Variants in ALKBH3 observed in about 807,000 individuals in gnomAD.
ALKBH3 encodes the protein alkB homolog 3, alpha-ketoglutarate dependent dioxygenase.
ALKBH3 carries 51 observed loss-of-function variants against 43.9 expected under a neutral mutation model. The ratio of observed to expected loss-of-function variants is 1.16; its 90% CI spans 0.93 to 1.47. ALKBH3 has a LOEUF of 1.47. Ranked by LOEUF, ALKBH3 falls within the 40% of genes most tolerant of loss-of-function variation. The probability of loss-of-function intolerance (pLI) is 0.00; values close to 1 mark genes in which losing one functional copy is unlikely to be tolerated. For synonymous variants in ALKBH3, 102 were observed against 115.2 expected (o/e 0.89, Z 0.73); for missense variants, 361 against 351.9 (o/e 1.03, Z -0.21).
chr11:43,889,962 A>G, intron 6 of ALKBH3, 134 bp downstream of exon 6: 5 of 736,768 alleles, frequency 6.8e-6, no homozygotes, highest in Non-Finnish European at 8.8e-6. Context: ...AGAAAGTAGA[A>G]TTAGCCAAAA....
chr11:43,889,384 G>C (rs1951767959), intron 5 of ALKBH3, among the ~76,000 whole-genome samples: 1 of 152,222 alleles, frequency 6.6e-6, no homozygotes, highest in African/African-American at 2.4e-5. Flanking sequence ...TCAGGTTACA[G>C]ATGAGAAAAC....
At chr11:43,882,947 A>G (rs1951721872) in intron 2 of ALKBH3, 138 bp from the exon 3 acceptor site, 1 of 827,342 alleles carries the variant, frequency 1.2e-6, no homozygotes, top group Non-Finnish European at 1.9e-6. Flanking sequence ...ACCTTTCAGT[A>G]TCTTCTGTTG....
intron 7 of ALKBH3, among the ~76,000 whole-genome samples, chr11:43,892,406 G>T (rs16937695): frequency 0.024 from 3,672 of 152,256 alleles, 76 homozygotes; most frequent in African/African-American, 0.058. Context: ...TTTTCTAGCT[G>T]TATTCCTTCT....
chr11:43,907,698 G>C, intron 8 of ALKBH3, among the ~76,000 whole-genome samples: 1 of 152,140 alleles, frequency 6.6e-6, no homozygotes, highest in East Asian at 1.9e-4. Context: ...TTCAGGAAGG[G>C]AAAGGAGGCC....
At chr11:43,900,441 C>T (rs961694955) in intron 7 of ALKBH3, among the ~76,000 whole-genome samples, 2 of 151,860 alleles carry the variant, frequency 1.3e-5, no homozygotes, top group African/African-American at 2.4e-5. Flanking sequence ...CCAGGCTGGT[C>T]TTGAACTCCC....
chr11:43,917,119 A>G lies in ALKBH3; in HGVS notation c.670-1919A>G, dbSNP rs767458719. On this transcript the variant is annotated intron_variant, in intron 8 of 9. Coordinates refer to ENST00000302708, the MANE Select transcript of ALKBH3 (RefSeq NM_139178.4). Reference sequence around the variant, plus strand: ...TATGGCTAATGGTTATGTTGAATGTAATGTGTTCAAAACCAACCTGAGACT... The same window carrying G: ...TATGGCTAATGGTTATGTTGAATGTGATGTGTTCAAAACCAACCTGAGACT... Among the ~76,000 whole-genome samples, 76 of 152,314 alleles carry G rather than the reference A, an allele frequency of 5.0e-4. 1 individual carries two copies. Among genetic ancestry groups the G allele is most frequent in the Non-Finnish European group, 8.7e-4 (59 of 68,024 alleles).
intron 8 of ALKBH3, chr11:43,918,725 A>T: frequency 4.5e-6 from 1 of 223,040 alleles, no homozygotes; most frequent in Admixed American, 5.6e-5. Flanking sequence ...TTGGATTATG[A>T]TGATGACACT....
chr11:43,882,540 A>G, intron 1 of ALKBH3, 43 bp from the exon 2 acceptor site: 1 of 922,734 alleles, frequency 1.1e-6, no homozygotes, highest in South Asian at 1.9e-5. Context: ...AATTGTTCAC[A>G]ATCCTAACTA....
At position 43,897,484 on chromosome 11, in the gene ALKBH3, G is replaced by A. The variant is rs1022746574; in HGVS notation, c.460-4032G>A. 27 of 750,672 alleles carry A rather than the reference G, an allele frequency of 3.6e-5. No homozygotes were observed. In the Admixed American group the frequency reaches 4.3e-4, roughly 12 times the overall value. The allele number at this position is 750,672 out of a possible 1,614,324, so 46.5% of individuals were successfully genotyped here. A position where few individuals can be genotyped will look rare whatever the true frequency, so the allele number is the denominator to read the frequency against. The stretch of plus-strand genomic sequence containing the variant: ...GTGCAAAAATACCAGTCACCAGTGA[G>A]GGTATACAAATACCCCTTCAAATTA... On this transcript the variant is annotated intron_variant, in intron 7 of 9. Transcript: ENST00000302708.
chr11:43,903,577 C>T (rs1298697824), intron 8 of ALKBH3, among the ~76,000 whole-genome samples: 2 of 152,172 alleles, frequency 1.3e-5, no homozygotes, highest in African/African-American at 4.8e-5. Context: ...ACTGCGCCTT[C>T]CTCCTAGAGT....
chr11:43,898,025 A>G, intron 7 of ALKBH3: 1 of 900,938 alleles, frequency 1.1e-6, no homozygotes, highest in East Asian at 2.4e-5. Flanking sequence ...TCCTGCAAGA[A>G]ACAAGCAGCG....
At chr11:43,897,826 T>C (rs1319903232) in intron 7 of ALKBH3, 2 of 825,126 alleles carry the variant, frequency 2.4e-6, no homozygotes, top group African/African-American at 3.3e-5. Flanking sequence ...TCTGCAAGTT[T>C]AGATATTAAA....
chr11:43,918,978 G>A lies in ALKBH3; in HGVS notation c.670-60G>A, dbSNP rs184435995. On this transcript the variant is annotated intron_variant, in intron 8 of 9. Coordinates refer to ENST00000302708, the MANE Select transcript of ALKBH3 (RefSeq NM_139178.4). ...TCCATTTTTTTTTGACCTCTGTCAG[G>A]TTCTGTTGCATCTTGATTACACAGG... is the stretch of plus-strand genomic sequence containing the variant. 6.9e-5 allele frequency: 94 copies of A among 1,368,470 alleles called. No individual in the cohort carries two copies. In the Admixed American group the frequency reaches 1.6e-3, roughly 23 times the overall value. The allele number at this position is 1,368,470 out of a possible 1,614,324, so 84.8% of individuals were successfully genotyped here.
intron 8 of ALKBH3, among the ~76,000 whole-genome samples, chr11:43,910,786 CT>C (rs34714473): frequency 4.6e-5 from 7 of 151,538 alleles, no homozygotes; most frequent in African/African-American, 1.7e-4. Flanking sequence ...ACTAAAATGA[CT>C]TTTTTTTTCA....
rs749403213 is a variant in ALKBH3, at chr11:43,898,117, C to T, written c.460-3399C>T. 34 of 1,123,498 alleles carry T rather than the reference C, an allele frequency of 3.0e-5. No homozygotes were observed. In the East Asian group the frequency reaches 6.1e-4, roughly 20 times the overall value. The allele number at this position is 1,123,498 out of a possible 1,614,324, so 69.6% of individuals were successfully genotyped here. On this transcript the variant is annotated intron_variant, in intron 7 of 9. Transcript: ENST00000302708. ...CCTCAGCAGCCCCAGTGCACCTGAG[C>T]CCGTGGTGGGCATCCCTGATAACAA... is the stretch of plus-strand genomic sequence containing the variant.
chr11:43,911,513 C>A (rs1480286201), intron 8 of ALKBH3, among the ~76,000 whole-genome samples: 3 of 152,216 alleles, frequency 2.0e-5, no homozygotes, highest in African/African-American at 7.2e-5. Flanking sequence ...GTTCAGACAA[C>A]AGGCCTGGCT....
At chr11:43,887,197 G>C (rs1473455224) in intron 5 of ALKBH3, among the ~76,000 whole-genome samples, 1 of 152,104 alleles carries the variant, frequency 6.6e-6, no homozygotes, top group African/African-American at 2.4e-5. Flanking sequence ...CTTTTTATTA[G>C]TATTTCTAGC....
intron 8 of ALKBH3, 128 bp downstream of exon 8, chr11:43,901,853 A>C: frequency 1.8e-6 from 2 of 1,107,048 alleles, no homozygotes; most frequent in East Asian, 5.1e-5. Context: ...AAACATTTTC[A>C]AGTGACTACT....
intron 7 of ALKBH3, among the ~76,000 whole-genome samples, chr11:43,893,565 G>C (rs1458710080): frequency 3.3e-5 from 5 of 152,070 alleles, no homozygotes; most frequent in Non-Finnish European, 5.9e-5. Context: ...TAAAATTCTT[G>C]ATAATTCTAC....
Sources: allele counts gnomAD v4.1 joint callset (sites outside exome capture counted in the v4.1 genomes callset), GRCh38; gene constraint gnomAD v4.1.1; transcripts MANE v1.5; gene names NCBI Gene and HGNC (gene_info 2026-07-23, HGNC 2026-07-21).